ARL6: variants seen among roughly 807,000 people sequenced by gnomAD.
The protein encoded by ARL6 is ADP-ribosylation factor-like protein 6.
In ARL6, 18 loss-of-function variants were observed where a neutral mutation model predicts 27.1. That is an observed-to-expected ratio of 0.66 (90% confidence interval 0.46 to 0.98). ARL6 has a LOEUF of 0.98. ARL6 is among the 50% of genes least tolerant of loss of function. The probability of loss-of-function intolerance (pLI) is 0.00; values close to 1 mark genes in which losing one functional copy is unlikely to be tolerated. For synonymous variants in ARL6, 65 were observed against 72.3 expected, an observed-to-expected ratio of 0.90 and a Z score of 0.51; for missense variants, 187 against 214.9, an observed-to-expected ratio of 0.87 and a Z score of 0.81.
At chr3:97,765,221 T>G (rs1375604196) in intron 1 of ARL6, among the ~76,000 whole-genome samples, 72 of 124,908 alleles carry the variant, frequency 5.8e-4, no homozygotes, top group African/African-American at 1.9e-3. Flanking sequence ...GGTGTGTGTG[T>G]GTGTGTGTGT....
intron 6 of ARL6, among the ~76,000 whole-genome samples, chr3:97,788,951 C>G (rs537579719): frequency 1.0e-3 from 154 of 152,226 alleles, no homozygotes; most frequent in Non-Finnish European, 1.6e-3. Context: ...GAGTTTCCCC[C>G]TTTTTATAAG....
chr3:97,778,640 A>G (rs1054124680), intron 2 of ARL6, among the ~76,000 whole-genome samples: 2 of 152,162 alleles, frequency 1.3e-5, no homozygotes, highest in African/African-American at 2.4e-5. Context: ...GTGAGCATGT[A>G]ATTATAATAA....
intron 5 of ARL6, among the ~76,000 whole-genome samples, chr3:97,785,694 T>C (rs1393886870): frequency 6.6e-6 from 1 of 152,136 alleles, no homozygotes; most frequent in African/African-American, 2.4e-5. Flanking sequence ...TAATATGGTT[T>C]ACTATGAATG....
intron 7 of ARL6, among the ~76,000 whole-genome samples, chr3:97,797,694 T>C (rs932315495): frequency 6.6e-6 from 1 of 152,180 alleles, no homozygotes; most frequent in Non-Finnish European, 1.5e-5. Context: ...AGAAATCTCA[T>C]AGAACTAGTT....
At chr3:97,785,553 G>A (rs1284391494) in intron 5 of ARL6, among the ~76,000 whole-genome samples, 1 of 151,360 alleles carries the variant, frequency 6.6e-6, no homozygotes, top group East Asian at 1.9e-4. Flanking sequence ...GACTATCATT[G>A]TTATTTACCA....
At chr3:97,775,295 C>T (rs889847658) in intron 2 of ARL6, among the ~76,000 whole-genome samples, 2 of 152,126 alleles carry the variant, frequency 1.3e-5, no homozygotes, top group Non-Finnish European at 2.9e-5. Flanking sequence ...TATTAACTCA[C>T]GTGATCACAG....
intron 3 of ARL6, 139 bp downstream of exon 3, chr3:97,780,359 TATGG>T: frequency 1.3e-6 from 1 of 759,910 alleles, no homozygotes; most frequent in Non-Finnish European, 2.1e-6. Context: ...TTCTAACCAC[TATGG>T]CTGGTTTATT....
In ARL6 at chr3:97,798,188, G is replaced by A. The variant is rs748224442; in HGVS notation, c.*139G>A. On this transcript the variant is annotated 3_prime_UTR_variant, in exon 8 of 8. Coordinates refer to ENST00000463745, the MANE Select transcript of ARL6 (RefSeq NM_001278293.3). ...CATTTATGGACTCTGACCTTTTTAA[G>A]AACATAGGACTTCAGGTATGCTAAT... The A allele has an allele frequency of 5.0e-5, 43 of 853,746 alleles. No homozygotes were observed. The highest frequency in any genetic ancestry group is 7.6e-5 in the Non-Finnish European group (40 of 524,012). The allele number at this position is 853,746 out of a possible 1,614,324, so 52.9% of individuals were successfully genotyped here.
At chr3:97,790,053 G>T (rs1576469353) in intron 6 of ARL6, among the ~76,000 whole-genome samples, 1 of 113,768 alleles carries the variant, frequency 8.8e-6, no homozygotes, top group South Asian at 2.7e-4. Context: ...CATCATGATT[G>T]TGTGTGTGTG....
At chr3:97,784,887 C>A in intron 4 of ARL6, 68 bp from the exon 5 acceptor site, 1 of 1,105,414 alleles carries the variant, frequency 9.0e-7, no homozygotes, top group Non-Finnish European at 1.4e-6. Context: ...AGGAAATGCC[C>A]ATGGATAATA....
At chr3:97,772,586 A>G (rs2036688111) in intron 2 of ARL6, among the ~76,000 whole-genome samples, 1 of 144,260 alleles carries the variant, frequency 6.9e-6, no homozygotes, top group African/African-American at 2.6e-5. Context: ...TGGTTGTTCG[A>G]GGTGCATCAT....
At chr3:97,779,966 C>G (rs531320750) in intron 2 of ARL6, among the ~76,000 whole-genome samples, 193 bp from the exon 3 acceptor site, 1 of 152,090 alleles carries the variant, frequency 6.6e-6, no homozygotes, top group East Asian at 1.9e-4. Flanking sequence ...TATGCAGATT[C>G]ATAATTAGTA....
At chr3:97,769,094 CA>C (rs1559669193) in intron 2 of ARL6, among the ~76,000 whole-genome samples, 2 of 151,932 alleles carry the variant, frequency 1.3e-5, no homozygotes, top group Non-Finnish European at 2.9e-5. Flanking sequence ...AAATGCCTTG[CA>C]AAAAAATAGT....
chr3:97,784,946 A>G lies in ARL6; in HGVS notation c.255-9A>G, dbSNP rs2037377283. ...AGCTTTAATTTTTCTTTTTCTTTACATTACACAGAGAAGGCCAAGCTATTA... is the reference window on the plus strand; with the variant it reads ...AGCTTTAATTTTTCTTTTTCTTTACGTTACACAGAGAAGGCCAAGCTATTA... On this transcript the variant is annotated splice_polypyrimidine_tract_variant and intron_variant, in intron 4 of 7. Coordinates refer to ENST00000463745, the MANE Select transcript of ARL6 (RefSeq NM_001278293.3). 1.2e-6 allele frequency: 2 copies of G among 1,602,106 alleles called. No homozygotes were observed. Among genetic ancestry groups the G allele is most frequent in the Admixed American group, 1.7e-5 (1 of 59,892 alleles).
intron 5 of ARL6, 147 bp from the exon 6 acceptor site, chr3:97,787,843 T>C: frequency 1.3e-6 from 1 of 783,316 alleles, no homozygotes; most frequent in East Asian, 2.7e-5. Flanking sequence ...CCTAACAGTG[T>C]GACAGTATGT....
At position 97,776,948 on chromosome 3, in the gene ARL6, C is replaced by T. The variant is rs138073854; in HGVS notation, c.124-3211C>T. Among the ~76,000 whole-genome samples the T allele has an allele frequency of 4.2e-3, 636 of 152,306 alleles. 7 individuals carry two copies. The highest frequency in any genetic ancestry group is 0.015 in the African/African-American group (607 of 41,558). On this transcript the variant is annotated intron_variant, in intron 2 of 7. Transcript: ENST00000463745. ...TGCTGGGATTACAGGCGTGAGCCTC[C>T]GTGCCTGGCCACCCTTATTCTTAAA...
intron 3 of ARL6, 49 bp downstream of exon 3, chr3:97,780,269 A>G (rs1273785813): frequency 2.9e-6 from 4 of 1,381,088 alleles, no homozygotes; most frequent in Middle Eastern, 1.8e-4. Context: ...AAAAATAACA[A>G]TATTAGGTCT....
intron 2 of ARL6, among the ~76,000 whole-genome samples, chr3:97,776,211 G>A (rs979228206): frequency 1.3e-5 from 2 of 151,962 alleles, no homozygotes; most frequent in Non-Finnish European, 1.5e-5. Flanking sequence ...TCTTTTTATA[G>A]TCTTTGACTT....
chr3:97,780,096 T>C, intron 2 of ARL6, 63 bp from the exon 3 acceptor site: 2 of 1,353,978 alleles, frequency 1.5e-6, no homozygotes, highest in South Asian at 2.3e-5. Context: ...CTGGATACTT[T>C]AACTTGAGGA....
Sources: gnomAD v4.1 joint callset for allele counts (sites outside exome capture counted in the v4.1 genomes callset) on GRCh38, gnomAD v4.1.1 for gene constraint, MANE v1.5 for transcripts, NCBI Gene and HGNC (gene_info 2026-07-23, HGNC 2026-07-21) for gene names.